TRABD2A: variants seen among roughly 807,000 people sequenced by gnomAD.
TRABD2A encodes the protein metalloprotease TIKI1.
A neutral mutation model predicts 45.6 loss-of-function variants in TRABD2A; 43 were observed. That is an observed-to-expected ratio of 0.94 (90% CI 0.74 to 1.22). TRABD2A has a LOEUF of 1.22. TRABD2A is among the 50% of genes most tolerant of loss of function. The pLI is 0.00. For synonymous variants in TRABD2A, 269 were observed against 265.0 expected, an observed-to-expected ratio of 1.02 and a Z score of -0.15; for missense variants, 642 against 652.4, an observed-to-expected ratio of 0.98 and a Z score of 0.17.
At chr2:84,842,408 C>T (rs1226080074) in intron 2 of TRABD2A, among the ~76,000 whole-genome samples, 1 of 152,184 alleles carries the variant, frequency 6.6e-6, no homozygotes, top group African/African-American at 2.4e-5. Context: ...GAAACCAGTG[C>T]ATTATCCACA....
intron 2 of TRABD2A, among the ~76,000 whole-genome samples, chr2:84,848,329 G>GATAGATAC (rs374890081): frequency 0.072 from 2,815 of 38,830 alleles, 36 homozygotes; most frequent in Middle Eastern, 0.11. Flanking sequence ...ACATAAAAAT[G>GATAGATAC]ATAGATAGAT....
chr2:84,826,777 C>T (rs1278867545), intron 5 of TRABD2A, among the ~76,000 whole-genome samples: 2 of 152,178 alleles, frequency 1.3e-5, no homozygotes, highest in African/African-American at 4.8e-5. Flanking sequence ...CATGATCCAC[C>T]CACCTTGGCC....
chr2:84,855,637 C>A (rs983482450), intron 2 of TRABD2A, among the ~76,000 whole-genome samples: 2 of 152,064 alleles, frequency 1.3e-5, no homozygotes, highest in African/African-American at 2.4e-5. Flanking sequence ...TGCCCCCTAG[C>A]CCCCACGTCC....
intron 2 of TRABD2A, among the ~76,000 whole-genome samples, chr2:84,853,006 A>C (rs1682149759): frequency 6.6e-6 from 1 of 151,954 alleles, no homozygotes; most frequent in South Asian, 2.1e-4. Context: ...TTTTCCCCCC[A>C]CCCAAAAGAT....
intron 2 of TRABD2A, among the ~76,000 whole-genome samples, chr2:84,853,939 G>T (rs140385695): frequency 5.6e-4 from 85 of 152,214 alleles, no homozygotes; most frequent in African/African-American, 2.0e-3. Flanking sequence ...AGAATCACTT[G>T]AACCTGGGAG....
intron 1 of TRABD2A, among the ~76,000 whole-genome samples, chr2:84,874,095 C>A (rs565257743): frequency 6.6e-6 from 1 of 152,090 alleles, no homozygotes; most frequent in Non-Finnish European, 1.5e-5. Context: ...ACTTAATCTG[C>A]CTAAGGTCCC....
intron 1 of TRABD2A, among the ~76,000 whole-genome samples, chr2:84,871,472 C>T (rs140836154): frequency 6.6e-6 from 1 of 150,862 alleles, no homozygotes; most frequent in Non-Finnish European, 1.5e-5. Flanking sequence ...GGAGGTGGAA[C>T]TCAGAAATGC....
Position 84,870,558 on chromosome 2 carries a change from T to C in TRABD2A, c.336A>G (p.Gln112=). The part of the protein sequence containing the change: ...CQMLPQGENL[Q]DVLPRDIYCR... ...AGTAGATGTCCCTGGGGAGCACATC[T>C]TGGAGGTTCTCGCCCTGTGGCAGCA... The change falls in exon 2 of 7, where the codon CAA becomes CAG. Residue 112 remains glutamine (Q), a synonymous_variant. Transcript: ENST00000409520. 1.2e-6 allele frequency: 2 copies of C among 1,613,902 alleles called. No individual in the cohort carries two copies. Among genetic ancestry groups the C allele is most frequent in the Non-Finnish European group, 1.7e-6 (2 of 1,179,810 alleles).
chr2:84,835,932 C>T (rs1345673583), intron 4 of TRABD2A: 1 of 152,222 alleles, frequency 6.6e-6, no homozygotes, highest in African/African-American at 2.4e-5. Context: ...AGTTTCAACA[C>T]ACAAGTTTTA....
At chr2:84,826,772 T>TCCAC (rs1475432155) in intron 5 of TRABD2A, among the ~76,000 whole-genome samples, 2 of 152,224 alleles carry the variant, frequency 1.3e-5, no homozygotes, top group Non-Finnish European at 2.9e-5. Flanking sequence ...GACCCCATGA[T>TCCAC]CCACCCACCT....
intron 5 of TRABD2A, among the ~76,000 whole-genome samples, chr2:84,826,414 A>G (rs1457614957): frequency 1.3e-5 from 2 of 152,214 alleles, no homozygotes; most frequent in Admixed American, 6.5e-5. Context: ...TATCTCCCTT[A>G]TATTTGTGAG....
intron 4 of TRABD2A, chr2:84,834,628 CATATAA>C (rs1488348157): frequency 6.6e-6 from 1 of 152,310 alleles, no homozygotes; most frequent in Non-Finnish European, 1.5e-5. Flanking sequence ...CTGGACATTT[CATATAA>C]ATATAATCAT....
intron 1 of TRABD2A, chr2:84,874,930 G>A (rs11682785): frequency 0.042 from 6,979 of 167,426 alleles, 177 homozygotes; most frequent in South Asian, 0.087. Context: ...TGATGAGGTC[G>A]TCAACGTTGC....
intron 2 of TRABD2A, among the ~76,000 whole-genome samples, chr2:84,858,975 AT>A (rs1488404361): frequency 8.5e-5 from 13 of 152,288 alleles, no homozygotes; most frequent in African/African-American, 2.9e-4. Context: ...GAAATAAAAA[AT>A]TTTTTAAAAA....
chr2:84,829,980 A>G (rs1681280213), intron 5 of TRABD2A, among the ~76,000 whole-genome samples: 1 of 149,994 alleles, frequency 6.7e-6, no homozygotes, highest in Non-Finnish European at 1.5e-5. Flanking sequence ...CACACCACAC[A>G]CCAGACACAC....
chr2:84,856,595 G>T (rs1400745241), intron 2 of TRABD2A, among the ~76,000 whole-genome samples: 8 of 152,154 alleles, frequency 5.3e-5, no homozygotes, highest in Non-Finnish European at 8.8e-5. Flanking sequence ...CTGAAGAAGT[G>T]CTATGTTGTC....
At chr2:84,860,694 TC>T in intron 2 of TRABD2A, among the ~76,000 whole-genome samples, 1 of 152,384 alleles carries the variant, frequency 6.6e-6, no homozygotes, top group South Asian at 2.1e-4. Flanking sequence ...GCTGTTAGAA[TC>T]CATTTCCTAA....
At chr2:84,862,941 G>GA (rs1285049281) in intron 2 of TRABD2A, among the ~76,000 whole-genome samples, 2 of 152,192 alleles carry the variant, frequency 1.3e-5, no homozygotes, top group East Asian at 1.9e-4. Flanking sequence ...TGTCCAACAT[G>GA]AAAAAAATAA....
chr2:84,860,503 C>T (rs1242318483), intron 2 of TRABD2A, among the ~76,000 whole-genome samples: 2 of 152,188 alleles, frequency 1.3e-5, no homozygotes, highest in Non-Finnish European at 2.9e-5. Flanking sequence ...GACTTCTAGC[C>T]TCTAGAATCA....
Sources: gnomAD v4.1 joint callset for allele counts (sites outside exome capture counted in the v4.1 genomes callset) on GRCh38, gnomAD v4.1.1 for gene constraint, MANE v1.5 for transcripts, NCBI Gene and HGNC (gene_info 2026-07-23, HGNC 2026-07-21) for gene names.